PRKG1: variants seen among roughly 807,000 people sequenced by gnomAD.
PRKG1 encodes cGMP-dependent protein kinase 1.
A neutral mutation model predicts 88.1 loss-of-function variants in PRKG1; 35 were observed. The observed-to-expected ratio is 0.40, with a 90% CI of 0.30 to 0.53. PRKG1 has a LOEUF of 0.53. PRKG1 is among the 20% of genes least tolerant of loss of function. The pLI, the probability that PRKG1 is intolerant of heterozygous loss-of-function variation, is 0.59. For synonymous variants in PRKG1, 303 were observed against 292.5 expected (o/e 1.04, Z -0.37); for missense variants, 540 against 839.8 (o/e 0.64, Z 4.41).
chr10:52,261,274 A>G (rs1445126718), intron 10 of PRKG1, among the ~76,000 whole-genome samples: 2 of 152,118 alleles, frequency 1.3e-5, no homozygotes, highest in Non-Finnish European at 2.9e-5. Flanking sequence ...TACAAAGCAA[A>G]TAAGATTACT....
At chr10:51,477,893 A>T (rs898795975) in intron 3 of PRKG1, among the ~76,000 whole-genome samples, 1 of 152,068 alleles carries the variant, frequency 6.6e-6, no homozygotes, top group African/African-American at 2.4e-5. Flanking sequence ...GTTGGTTCAT[A>T]TGCATGCTTT....
chr10:51,070,113 T>C (rs983424591), upstream of PRKG1, among the ~76,000 whole-genome samples: 2 of 152,154 alleles, frequency 1.3e-5, no homozygotes, highest in African/African-American at 4.8e-5. Context: ...GCAACACTTA[T>C]AAGTTCTGCA....
chr10:52,161,403 A>G (rs190717354), intron 8 of PRKG1, among the ~76,000 whole-genome samples: 3 of 151,968 alleles, frequency 2.0e-5, no homozygotes, highest in East Asian at 1.9e-4. Context: ...TTAGTTTACT[A>G]TTTTGTTAAG....
intron 3 of PRKG1, among the ~76,000 whole-genome samples, chr10:51,633,380 A>C (rs547910686): frequency 1.2e-4 from 19 of 152,290 alleles, no homozygotes; most frequent in African/African-American, 4.3e-4. Context: ...TTAGCTGAAC[A>C]TCCTGAAGCA....
At chr10:51,418,624 A>G (rs1838313970) in intron 2 of PRKG1, among the ~76,000 whole-genome samples, 1 of 152,204 alleles carries the variant, frequency 6.6e-6, no homozygotes, top group Non-Finnish European at 1.5e-5. Context: ...GCTCTGGACT[A>G]ATGCAACGAA....
intron 5 of PRKG1, among the ~76,000 whole-genome samples, chr10:51,984,488 T>C (rs1244471791): frequency 6.6e-6 from 1 of 152,194 alleles, no homozygotes; most frequent in Non-Finnish European, 1.5e-5. Context: ...CACTCTGAAG[T>C]ATGCACAATT....
chr10:51,374,093 A>AAAAAAAAATATATATATATATAT, intron 2 of PRKG1, among the ~76,000 whole-genome samples: 5 of 100,184 alleles, frequency 5.0e-5, no homozygotes, highest in African/African-American at 6.7e-5. Context: ...AAAAAAAAAA[A>AAAAAAAAATATATATATATATAT]ATATATATAT....
At chr10:51,324,723 T>C (rs1841544437) in intron 2 of PRKG1, among the ~76,000 whole-genome samples, 1 of 152,230 alleles carries the variant, frequency 6.6e-6, no homozygotes, top group Admixed American at 6.5e-5. Context: ...CCTGGGCGAC[T>C]GAGCGAGACT....
chr10:51,556,491 C>T (rs1251006916), intron 3 of PRKG1, among the ~76,000 whole-genome samples: 2 of 151,736 alleles, frequency 1.3e-5, no homozygotes, highest in Non-Finnish European at 2.9e-5. Context: ...CCTAGGTGCT[C>T]ATCAATGGTG....
At chr10:51,998,287 C>T (rs1844503487) in intron 5 of PRKG1, among the ~76,000 whole-genome samples, 1 of 151,946 alleles carries the variant, frequency 6.6e-6, no homozygotes, top group African/African-American at 2.4e-5. Context: ...TTATACTGTC[C>T]ATGACATTGA....
At chr10:51,596,081 G>A (rs1184055035) in intron 3 of PRKG1, among the ~76,000 whole-genome samples, 2 of 151,918 alleles carry the variant, frequency 1.3e-5, no homozygotes, top group South Asian at 2.1e-4. Context: ...CACCTGCCTC[G>A]GCCTCCCAAA....
Position 51,377,453 on chromosome 10 carries a change from G to A in PRKG1, c.479-90270G>A, listed in dbSNP as rs1289415314. Among the ~76,000 whole-genome samples, 5 of 152,184 alleles carry A rather than the reference G, an allele frequency of 3.3e-5. No individual in the cohort carries two copies. The East Asian group carries it at 9.6e-4, about 29-fold the overall frequency. On this transcript the variant is annotated intron_variant, in intron 2 of 17. Coordinates refer to ENST00000373980, the MANE Select transcript of PRKG1 (RefSeq NM_006258.4). The stretch of plus-strand genomic sequence containing the variant: ...CAGAACTTGTTGAACTCACCATGAA[G>A]GGTTAAAAGTTTGCTGGAAACATTA...
At chr10:51,024,560 T>C (rs1371758784) in intron 1 of PRKG1, among the ~76,000 whole-genome samples, 1 of 152,142 alleles carries the variant, frequency 6.6e-6, no homozygotes, top group African/African-American at 2.4e-5. Context: ...GAGAAAAAAA[T>C]CTACGTAACT....
At chr10:52,123,594 G>GATCATATTT (rs1459348676) in intron 7 of PRKG1, among the ~76,000 whole-genome samples, 1 of 152,068 alleles carries the variant, frequency 6.6e-6, no homozygotes, top group Admixed American at 6.6e-5. Context: ...TAAGGACAGA[G>GATCATATTT]ATCATATTTT....
intron 4 of PRKG1, among the ~76,000 whole-genome samples, chr10:51,902,261 C>T (rs1841996924): frequency 6.6e-6 from 1 of 151,976 alleles, no homozygotes; most frequent in Non-Finnish European, 1.5e-5. Flanking sequence ...GGATTACAGG[C>T]ATGTGCCACC....
At chr10:51,602,390 TG>T (rs1210101997) in intron 3 of PRKG1, among the ~76,000 whole-genome samples, 4 of 152,156 alleles carry the variant, frequency 2.6e-5, no homozygotes, top group African/African-American at 4.8e-5. Context: ...CATTGTGAAC[TG>T]TTCAACTGTT....
chr10:51,993,994 A>G (rs1271206966), intron 5 of PRKG1, among the ~76,000 whole-genome samples: 1 of 152,118 alleles, frequency 6.6e-6, no homozygotes, highest in Admixed American at 6.6e-5. Context: ...GTCTAAAGAA[A>G]TGGCATAGGG....
intron 2 of PRKG1, among the ~76,000 whole-genome samples, chr10:51,407,264 T>A (rs1837946835): frequency 6.6e-6 from 1 of 152,066 alleles, no homozygotes; most frequent in Admixed American, 6.5e-5. Context: ...CCCATGCACA[T>A]CCCCTGAGAT....
chr10:51,929,757 G>A (rs948383316), intron 5 of PRKG1, among the ~76,000 whole-genome samples: 1 of 152,150 alleles, frequency 6.6e-6, no homozygotes, highest in Non-Finnish European at 1.5e-5. Context: ...ATATTCTGGA[G>A]CTTCCTCTTA....
Sources: allele counts gnomAD v4.1 joint callset (sites outside exome capture counted in the v4.1 genomes callset), GRCh38; gene constraint gnomAD v4.1.1; transcripts MANE v1.5; gene names NCBI Gene and HGNC (gene_info 2026-07-23, HGNC 2026-07-21).